BTNL2: variants seen among roughly 807,000 people sequenced by gnomAD.
The protein encoded by BTNL2 is butyrophilin-like protein 2.
Under a neutral mutation model 46.8 loss-of-function variants are expected in BTNL2, and 46 were observed. The ratio of observed to expected loss-of-function variants is 0.98; its 90% CI spans 0.78 to 1.26. The LOEUF is 1.26. Among genes scored for constraint, BTNL2 ranks in the 50% most tolerant of loss-of-function variants. BTNL2 has a pLI of 0.00. For synonymous variants in BTNL2, 226 were observed against 229.1 expected (o/e 0.99, Z 0.12); for missense variants, 461 against 592.6 (o/e 0.78, Z 2.31).
At position 32,396,729 on chromosome 6, in the gene BTNL2, C is replaced by T. The variant is rs1295558139; in HGVS notation, c.731-343G>A. Among the ~76,000 whole-genome samples the T allele has an allele frequency of 6.6e-6, 1 of 152,004 alleles. No individual in the cohort carries two copies. The highest frequency in any genetic ancestry group is 2.4e-5 in the African/African-American group (1 of 41,384). ...GGTGTGGTGGCTCAAGTCTATAATC[C>T]CAGCACTTTGGGAGGCCGAAGCGGG... On this transcript the variant is annotated intron_variant, in intron 4 of 7. Transcript: ENST00000454136. This position sits in a 1 kb window ranked among gnomAD's most constrained non-coding sequence, Gnocchi z 4.4.
intron 4 of BTNL2, among the ~76,000 whole-genome samples, chr6:32,398,072 A>G (rs1294936757): frequency 6.6e-6 from 1 of 152,250 alleles, no homozygotes; most frequent in Non-Finnish European, 1.5e-5. Context: ...CTCACTGTGC[A>G]AAGTGGGGAA....
rs775700106 is a variant in BTNL2 at position 32,394,982 on chromosome 6, ATCT to A, written c.1119_1121del (p.Glu373del). 1.2e-6 allele frequency: 2 copies of A among 1,612,006 alleles called. No individual in the cohort carries two copies. The highest frequency in any genetic ancestry group is 1.7e-6 in the Non-Finnish European group (2 of 1,178,728). On this transcript the variant is annotated inframe_deletion, in exon 6 of 8. Transcript: ENST00000454136. This position sits in a 1 kb window ranked among gnomAD's most constrained non-coding sequence, Gnocchi z 4.6. ...AAGAGCACATCGGCTGCATTTCTCC[ATCT>A]TCTTGCCCCTCCACAGTGATCAGTG... is the stretch of plus-strand genomic sequence containing the variant.
In BTNL2 at chr6:32,400,745, T is replaced by TAAAAATACAA. The variant is rs9281774; in HGVS notation, c.730+1039_730+1040insTTGTATTTTT. 3.8e-4 allele frequency among the ~76,000 whole-genome samples: 31 copies of TAAAAATACAA among 82,156 alleles called. 2 individuals carry two copies. The highest frequency in any genetic ancestry group is 7.9e-4 in the Admixed American group (6 of 7,594). The allele number at this position is 82,156 out of a possible 152,430, so 53.9% of individuals were successfully genotyped here. On this transcript the variant is annotated intron_variant, in intron 4 of 7. Transcript: ENST00000454136. Reference sequence around the variant, plus strand: ...CAACATGGTGAAACCCCGTCTCTACTAAAAAAAAAAAAAAAAAATTAGCTG... The same window carrying TAAAAATACAA: ...CAACATGGTGAAACCCCGTCTCTACTAAAAATACAAAAAAAAAAAAAAAAAAAATTAGCTG...
At position 32,396,289 on chromosome 6, in the gene BTNL2, CTG is replaced by C; in HGVS notation, c.826_827del (p.Gln276GlufsTer41). 2 of 1,612,974 alleles carry C rather than the reference CTG, an allele frequency of 1.2e-6. No individual in the cohort carries two copies. Among genetic ancestry groups the C allele is most frequent in the Non-Finnish European group, 1.7e-6 (2 of 1,179,920 alleles). On this transcript the variant is annotated frameshift_variant, in exon 5 of 8. Coordinates refer to ENST00000454136, the MANE Select transcript of BTNL2 (RefSeq NM_001304561.2). LOFTEE classifies it high-confidence loss of function. The surrounding 1 kb of genome is among the most constrained non-coding windows in gnomAD (Gnocchi z 4.4). The part of the protein sequence containing the change: ...TCYLSPKANA[Q>X]SMEVRWDRSH... ...ATCGGTCCCACCTCACCTCCATGCT[CTG>C]TGCATTCGCCTTGGGGGACAGGTAA...
At chr6:32,395,100 A>C (rs1463127307) in intron 5 of BTNL2, 75 bp from the exon 6 acceptor site, 2 of 1,456,562 alleles carry the variant, frequency 1.4e-6, no homozygotes, top group African/African-American at 2.8e-5. Flanking sequence ...CTGGGAGGAA[A>C]GAAGGGGATG....
Position 32,399,525 on chromosome 6 carries a change from A to G in BTNL2, c.730+2260T>C, listed in dbSNP as rs1275691449. On this transcript the variant is annotated intron_variant, in intron 4 of 7. Coordinates refer to ENST00000454136, the MANE Select transcript of BTNL2 (RefSeq NM_001304561.2). The surrounding 1 kb of genome is among the most constrained non-coding windows in gnomAD (Gnocchi z 5.2). The stretch of plus-strand genomic sequence containing the variant: ...TGTTCACTTTAAAGATGAGAAAAAT[A>G]GAGATGAATGAGCTGACAAAGTCAC... 6.6e-6 allele frequency among the ~76,000 whole-genome samples: 1 copy of G among 152,220 alleles called. No individual in the cohort carries two copies. Among genetic ancestry groups the G allele is most frequent in the East Asian group, 1.9e-4 (1 of 5,200 alleles).
chr6:32,402,476 A>G (rs986791627), intron 3 of BTNL2, among the ~76,000 whole-genome samples: 1 of 151,694 alleles, frequency 6.6e-6, no homozygotes, highest in Non-Finnish European at 1.5e-5. Context: ...TAGTAAGACA[A>G]GATTCCACAC....
rs531105851 is a variant in BTNL2, at chr6:32,393,899, C to T, written c.*6+64G>A. ...TAGGTGACTTGTGAAAAGGGAGGCT[C>T]GGGGAAGTACGCAGTACGGTTCCCA... On this transcript the variant is annotated intron_variant, in intron 7 of 7. Coordinates refer to ENST00000454136, the MANE Select transcript of BTNL2 (RefSeq NM_001304561.2). The surrounding 1 kb of genome is among the most constrained non-coding windows in gnomAD (Gnocchi z 4.8). 598 of 1,516,062 alleles carry T rather than the reference C, an allele frequency of 3.9e-4. 3 individuals are homozygous for T. The highest frequency in any genetic ancestry group is 2.6e-3 in the Middle Eastern group (15 of 5,828). 93.9% of individuals were successfully genotyped at this position (1,516,062 alleles called of 1,614,324 possible). A position where few individuals can be genotyped will look rare whatever the true frequency, so the allele number is the denominator to read the frequency against.
chr6:32,394,176 A>G lies in BTNL2; in HGVS notation c.1361-119T>C, dbSNP rs35837993. 0.13 allele frequency: 181,656 copies of G among 1,382,612 alleles called. 13,039 individuals carry two copies. The highest frequency in any genetic ancestry group is 0.23 in the East Asian group (8,923 of 39,368). 85.6% of individuals were successfully genotyped at this position (1,382,612 alleles called of 1,614,324 possible). ...AGGGAGAGAATTTGGCCTCCCAGGAAGCAGTTGGCCTGCTCCTCCCTGCTC... is the reference window on the plus strand; with the variant it reads ...AGGGAGAGAATTTGGCCTCCCAGGAGGCAGTTGGCCTGCTCCTCCCTGCTC... On this transcript the variant is annotated intron_variant, in intron 6 of 7. Coordinates refer to ENST00000454136, the MANE Select transcript of BTNL2 (RefSeq NM_001304561.2). This position sits in a 1 kb window ranked among gnomAD's most constrained non-coding sequence, Gnocchi z 4.6.
chr6:32,405,805 C>CTGTGTTTTTTT (rs1777102665), intron 1 of BTNL2, among the ~76,000 whole-genome samples: 1 of 79,436 alleles, frequency 1.3e-5, no homozygotes, highest in Non-Finnish European at 2.6e-5. Flanking sequence ...GATATAAAAA[C>CTGTGTTTTTTT]TGTTTTTTTT....
intron 2 of BTNL2, 82 bp downstream of exon 2, chr6:32,404,857 A>G (rs1777016559): frequency 7.5e-7 from 1 of 1,325,078 alleles, no homozygotes; most frequent in Non-Finnish European, 1.1e-6. Context: ...ATTCAAAAGG[A>G]TTTCCTCAAC....
intron 3 of BTNL2, 30 bp from the exon 4 acceptor site, chr6:32,401,835 G>A: frequency 1.2e-6 from 2 of 1,600,060 alleles, no homozygotes; most frequent in South Asian, 1.1e-5. Flanking sequence ...AACATATTAA[G>A]GAATTTGGTG....
At chr6:32,405,345 C>A in intron 1 of BTNL2, 59 bp from the exon 2 acceptor site, 1 of 1,502,454 alleles carries the variant, frequency 6.7e-7, no homozygotes, top group Non-Finnish European at 9.1e-7. Flanking sequence ...CATATGCATG[C>A]TTTGGGGTGT....
At chr6:32,400,220 T>A (rs3817964) in intron 4 of BTNL2, among the ~76,000 whole-genome samples, 7,117 of 152,296 alleles carry the variant, frequency 0.047, 277 homozygotes, top group Admixed American at 0.13. Flanking sequence ...TCCCTTTATG[T>A]TTATGGCCTA....
intron 4 of BTNL2, among the ~76,000 whole-genome samples, chr6:32,401,479 C>T (rs1175172856): frequency 6.6e-6 from 1 of 152,102 alleles, no homozygotes; most frequent in East Asian, 1.9e-4. Context: ...ATCCCCCACA[C>T]ATTCTGAGGC....
At position 32,394,875 on chromosome 6, in the gene BTNL2, G is replaced by A. The variant is rs1265534636; in HGVS notation, c.1229C>T (p.Thr410Ile). Reference sequence around the variant, plus strand: ...GTGGAACAGCCCGTGGCTGCCTTGAGTCAGGGCCTGGGAAGATGATGGTAT... The same window carrying A: ...GTGGAACAGCCCGTGGCTGCCTTGAATCAGGGCCTGGGAAGATGATGGTAT... ...KTIPSSSQALTQGSHGLFHVQ... is the reference protein window; with the variant it reads ...KTIPSSSQALIQGSHGLFHVQ... Residue 410 changes from threonine (T) to isoleucine (I), a missense_variant, in exon 6 of 8, where the codon ACT (threonine) becomes ATT (isoleucine). Thr to Ile is a moderately conservative substitution (Grantham distance 89). Transcript: ENST00000454136. The surrounding 1 kb of genome is among the most constrained non-coding windows in gnomAD (Gnocchi z 4.6). The A allele has an allele frequency of 1.2e-6, 2 of 1,614,264 alleles. No homozygotes were observed. Among genetic ancestry groups the A allele is most frequent in the East Asian group, 2.2e-5 (1 of 44,888 alleles).
In BTNL2 at chr6:32,397,272, C is replaced by T. The variant is rs144473063; in HGVS notation, c.731-886G>A. Among the ~76,000 whole-genome samples, 809 of 152,330 alleles carry T rather than the reference C, an allele frequency of 5.3e-3. 9 individuals are homozygous for T. The highest frequency in any genetic ancestry group is 0.018 in the African/African-American group (766 of 41,580). On this transcript the variant is annotated intron_variant, in intron 4 of 7. Coordinates refer to ENST00000454136, the MANE Select transcript of BTNL2 (RefSeq NM_001304561.2). ...AGGAGTACACTTTTGTAATAAATAG[C>T]TGAGTAGCAGCTGCTGCACTTCTGT...
chr6:32,405,024 G>T lies in BTNL2; in HGVS notation c.342C>A (p.Ile114=), dbSNP rs201812131. The part of the protein sequence containing the change: ...KGNVALKIHN[I]QPSDNGQYWC... ...AGTATTGTCCATTGTCGGAGGGCTGGATGTTGTGTATCTTCAGTGCCACAT... is the reference window on the plus strand; with the variant it reads ...AGTATTGTCCATTGTCGGAGGGCTGTATGTTGTGTATCTTCAGTGCCACAT... The change falls in exon 2 of 8, where the codon ATC becomes ATA. Residue 114 remains isoleucine (I), a synonymous_variant. Coordinates refer to ENST00000454136, the MANE Select transcript of BTNL2 (RefSeq NM_001304561.2). 2 of 1,613,024 alleles carry T rather than the reference G, an allele frequency of 1.2e-6. No homozygotes were observed.
In BTNL2 at chr6:32,396,484, C is replaced by T; in HGVS notation, c.731-98G>A. ...TCCATTGGAGTTTAGAAACCATGAG[C>T]ATCCCAGGGTTGCTGTGAGGCTCAG... On this transcript the variant is annotated intron_variant, in intron 4 of 7. Transcript: ENST00000454136. This position sits in a 1 kb window ranked among gnomAD's most constrained non-coding sequence, Gnocchi z 4.4. The T allele has an allele frequency of 8.2e-7, 1 of 1,226,106 alleles. No homozygotes were observed. The highest frequency in any genetic ancestry group is 1.5e-5 in the African/African-American group (1 of 66,948). The allele number at this position is 1,226,106 out of a possible 1,614,324, so 76.0% of individuals were successfully genotyped here.
Sources: allele counts gnomAD v4.1 joint callset (sites outside exome capture counted in the v4.1 genomes callset), GRCh38; gene constraint gnomAD v4.1.1; non-coding constraint Gnocchi (gnomAD v3.1); transcripts MANE v1.5; gene names NCBI Gene and HGNC (gene_info 2026-07-23, HGNC 2026-07-21).